The following ARL15 variants were observed in gnomAD, a reference collection of about 807,000 sequenced individuals.
The protein encoded by ARL15 is ARF like GTPase 15, also known as ADP-ribosylation factor-like protein 15.
A neutral mutation model predicts 25.2 loss-of-function variants in ARL15; 19 were observed. The observed-to-expected ratio is 0.75, with a 90% CI of 0.53 to 1.10. The LOEUF is 1.10. Among genes scored for constraint, ARL15 ranks in the 50% least tolerant of loss-of-function variants. The pLI is 0.00. For synonymous variants in ARL15, 94 were observed against 86.8 expected (o/e 1.08, Z -0.46); for missense variants, 220 against 246.0 (o/e 0.89, Z 0.71).
In ARL15 at chr5:54,070,378, C is replaced by T. The variant is rs1033040458; in HGVS notation, c.462+42824G>A. 2.5e-4 allele frequency among the ~76,000 whole-genome samples: 38 copies of T among 151,112 alleles called. No homozygotes were observed. The South Asian group carries it at 4.8e-3, about 19-fold the overall frequency. ...CTGCACCCCAGCCTGGGCGACAGAG[C>T]GAGACTCCGTCTCAAAAAAAAAAAA... On this transcript the variant is annotated intron_variant, in intron 4 of 4. Coordinates refer to ENST00000504924, the MANE Select transcript of ARL15 (RefSeq NM_019087.3).
At chr5:54,254,107 T>A (rs1757307830) in intron 1 of ARL15, among the ~76,000 whole-genome samples, 1 of 152,180 alleles carries the variant, frequency 6.6e-6, no homozygotes, top group African/African-American at 2.4e-5. Context: ...ATTAAGACAA[T>A]CTTTTGCAGA....
rs533428467 is a variant in ARL15, at chr5:54,047,820, G to A, written c.462+65382C>T. 7.2e-4 allele frequency among the ~76,000 whole-genome samples: 109 copies of A among 152,222 alleles called. 2 individuals carry two copies. The highest frequency in any genetic ancestry group is 2.4e-3 in the African/African-American group (101 of 41,532). ...CTGAGTTAATTCGTTATCACATAAC[G>A]GAGTTTGCATTTTTATTCACAGACA... is the stretch of plus-strand genomic sequence containing the variant. On this transcript the variant is annotated intron_variant, in intron 4 of 4. Transcript: ENST00000504924.
intron 4 of ARL15, among the ~76,000 whole-genome samples, chr5:53,977,515 C>T (rs1747979171): frequency 6.6e-6 from 1 of 152,086 alleles, no homozygotes; most frequent in African/African-American, 2.4e-5. Flanking sequence ...TGTAAGTGTT[C>T]CCATCAAATC....
chr5:54,213,219 C>T (rs114950818), intron 1 of ARL15, among the ~76,000 whole-genome samples: 647 of 152,282 alleles, frequency 4.2e-3, no homozygotes, highest in Non-Finnish European at 6.5e-3. Context: ...AGAAAACACA[C>T]GTGTAAGAAG....
intron 4 of ARL15, among the ~76,000 whole-genome samples, chr5:54,016,383 C>T (rs941974203): frequency 2.0e-5 from 3 of 152,150 alleles, no homozygotes; most frequent in African/African-American, 7.2e-5. Flanking sequence ...AGGACAGGTT[C>T]CTCTTGCAGG....
At chr5:54,042,749 T>G (rs1352027053) in intron 4 of ARL15, among the ~76,000 whole-genome samples, 3 of 152,144 alleles carry the variant, frequency 2.0e-5, no homozygotes, top group African/African-American at 7.2e-5. Flanking sequence ...ACACCTGAAT[T>G]TACATGGTCT....
intron 4 of ARL15, among the ~76,000 whole-genome samples, chr5:54,003,692 CTATCTAT>C: frequency 2.0e-5 from 3 of 151,960 alleles, no homozygotes; most frequent in Middle Eastern, 3.4e-3. Flanking sequence ...ATCTATCTAT[CTATCTAT>C]CTATCTATCT....
At chr5:53,996,338 G>T (rs1004599138) in intron 4 of ARL15, among the ~76,000 whole-genome samples, 13 of 150,222 alleles carry the variant, frequency 8.7e-5, no homozygotes, top group Admixed American at 8.6e-4. Flanking sequence ...ACCCCTTCAG[G>T]CTGGGTGCAG....
At chr5:54,203,178 C>G (rs1301194600) in intron 1 of ARL15, among the ~76,000 whole-genome samples, 1 of 152,114 alleles carries the variant, frequency 6.6e-6, no homozygotes, top group Admixed American at 6.6e-5. Flanking sequence ...GCTCCCCACT[C>G]CCCCCTCACT....
At chr5:54,173,202 AAAG>A (rs1262581831) in intron 1 of ARL15, among the ~76,000 whole-genome samples, 210 of 152,074 alleles carry the variant, frequency 1.4e-3, no homozygotes, top group African/African-American at 4.7e-3. Context: ...AAAAAAAAGA[AAAG>A]AAAAGAAAGA....
chr5:54,080,315 C>T (rs369956257), intron 4 of ARL15, among the ~76,000 whole-genome samples: 10 of 152,194 alleles, frequency 6.6e-5, no homozygotes, highest in East Asian at 3.8e-4. Flanking sequence ...ATCGCTGCTA[C>T]GCACATAATT....
At chr5:54,009,679 T>A (rs1049628104) in intron 4 of ARL15, among the ~76,000 whole-genome samples, 1 of 152,208 alleles carries the variant, frequency 6.6e-6, no homozygotes, top group African/African-American at 2.4e-5. Flanking sequence ...CAATAATTGC[T>A]GCACTACTAA....
intron 4 of ARL15, among the ~76,000 whole-genome samples, chr5:54,050,646 T>G (rs982282687): frequency 2.0e-5 from 3 of 152,214 alleles, no homozygotes; most frequent in African/African-American, 4.8e-5. Context: ...ACATGCTAAG[T>G]GAATATGAGG....
At chr5:53,944,323 T>C (rs1746643862) in intron 4 of ARL15, among the ~76,000 whole-genome samples, 1 of 151,956 alleles carries the variant, frequency 6.6e-6, no homozygotes, top group African/African-American at 2.4e-5. Context: ...AATAAAGAAA[T>C]GACCTGGCCG....
intron 4 of ARL15, among the ~76,000 whole-genome samples, chr5:54,037,203 T>G (rs1750193949): frequency 6.6e-6 from 1 of 152,066 alleles, no homozygotes; most frequent in Admixed American, 6.5e-5. Flanking sequence ...GTTTCAACTA[T>G]AAGCAAAGTT....
At chr5:54,240,240 A>G (rs1363767211) in intron 1 of ARL15, among the ~76,000 whole-genome samples, 1 of 145,880 alleles carries the variant, frequency 6.9e-6, no homozygotes, top group Admixed American at 7.0e-5. Context: ...AATAAAAAAA[A>G]AAAAAACACA....
chr5:54,190,240 A>C (rs1755358451), intron 1 of ARL15, among the ~76,000 whole-genome samples: 1 of 152,110 alleles, frequency 6.6e-6, no homozygotes, highest in Admixed American at 6.5e-5. Context: ...AAGATACAAA[A>C]AAATTAGCCA....
Position 54,052,403 on chromosome 5 carries a change from T to C in ARL15, c.462+60799A>G, listed in dbSNP as rs1202309767. Among the ~76,000 whole-genome samples, 3 of 152,178 alleles carry C rather than the reference T, an allele frequency of 2.0e-5. No homozygotes were observed. In the East Asian group the frequency reaches 5.8e-4, roughly 29 times the overall value. ...CCCAGAAAAGTATTGGGGTATAAAG[T>C]GCAGAACTAAGTAACTCTTGAAGAA... On this transcript the variant is annotated intron_variant, in intron 4 of 4. Transcript: ENST00000504924.
chr5:54,163,594 G>T (rs1258714452), intron 2 of ARL15, among the ~76,000 whole-genome samples: 1 of 151,508 alleles, frequency 6.6e-6, no homozygotes, highest in African/African-American at 2.4e-5. Context: ...ACAGATATAG[G>T]TCTATCCAGG....
Sources: gnomAD v4.1 joint callset for allele counts (sites outside exome capture counted in the v4.1 genomes callset) on GRCh38, gnomAD v4.1.1 for gene constraint, MANE v1.5 for transcripts, NCBI Gene and HGNC (gene_info 2026-07-23, HGNC 2026-07-21) for gene names.